The following IL17C variants were observed in gnomAD, a reference collection of about 807,000 sequenced individuals.
IL17C encodes interleukin 17C.
IL17C carries 13 observed loss-of-function variants against 11.0 expected under a neutral mutation model. The ratio of observed to expected loss-of-function variants is 1.18; its 90% CI spans 0.77 to 1.88. IL17C has a LOEUF of 1.88. IL17C is among the 40% of genes most tolerant of loss of function. The probability of loss-of-function intolerance (pLI) is 0.00; values close to 1 mark genes in which losing one functional copy is unlikely to be tolerated. For synonymous variants in IL17C, 150 were observed against 125.8 expected, an observed-to-expected ratio of 1.19 and a Z score of -1.29; for missense variants, 357 against 278.2, an observed-to-expected ratio of 1.28 and a Z score of -2.01.
chr16:88,639,721 T>C lies in IL17C; in HGVS notation c.336-93T>C, dbSNP rs2142864716. ...GCTCAGCCCTCGCTGCCTCAGGTCC[T>C]ATCCTGAGTACACGGAGAGGGGCCC... On this transcript the variant is annotated intron_variant, in intron 2 of 2. Coordinates refer to ENST00000244241, the MANE Select transcript of IL17C (RefSeq NM_013278.4). This position sits in a 1 kb window ranked among gnomAD's most constrained non-coding sequence, Gnocchi z 5.1. The C allele has an allele frequency of 7.2e-7, 1 of 1,392,348 alleles. No homozygotes were observed. Among genetic ancestry groups the C allele is most frequent in the Non-Finnish European group, 9.5e-7 (1 of 1,056,204 alleles). The allele number at this position is 1,392,348 out of a possible 1,614,324, so 86.2% of individuals were successfully genotyped here. A position where few individuals can be genotyped will look rare whatever the true frequency, so the allele number is the denominator to read the frequency against.
At position 88,639,823 on chromosome 16, in the gene IL17C, G is replaced by T; in HGVS notation, c.345G>T (p.Thr115=). 1 of 1,565,328 alleles carries T rather than the reference G, an allele frequency of 6.4e-7. No homozygotes were observed. The highest frequency in any genetic ancestry group is 8.7e-7 in the Non-Finnish European group (1 of 1,155,256). The part of the protein sequence containing the change: ...SISPWRYRVD[T]DEDRYPQKLA... Reference sequence around the variant, plus strand: ...GCACCCCGTCCCGCAGTGTGGACACGGATGAGGACCGCTATCCACAGAAGC... The same window carrying T: ...GCACCCCGTCCCGCAGTGTGGACACTGATGAGGACCGCTATCCACAGAAGC... The change falls in exon 3 of 3, where the codon ACG becomes ACT. Residue 115 remains threonine, a synonymous_variant. Transcript: ENST00000244241. The surrounding 1 kb of genome is among the most constrained non-coding windows in gnomAD (Gnocchi z 5.1).
rs201087052 is a variant in IL17C at position 88,638,989 on chromosome 16, C to T, written c.15C>T (p.Pro5=). The part of the protein sequence containing the change: MTLL[P]GLLFLTWLHT... ...CCTGCCTGTTTCACCAGCTCCTCCC[C>T]GGCCTCCTGTTTCTGACCTGGCTGC... The change falls in exon 2 of 3, where the codon CCC becomes CCT. Residue 5 remains proline, a synonymous_variant. Transcript: ENST00000244241. 76 of 1,567,008 alleles carry T rather than the reference C, an allele frequency of 4.9e-5. No individual in the cohort carries two copies. Among genetic ancestry groups the T allele is most frequent in the Middle Eastern group, 1.7e-4 (1 of 5,878 alleles).
intron 1 of IL17C, 96 bp from the exon 2 acceptor site, chr16:88,638,885 C>G: frequency 7.8e-7 from 1 of 1,275,200 alleles, no homozygotes; most frequent in East Asian, 2.3e-5. Context: ...GAGGGCTGTA[C>G]TCCATCTTTC....
In IL17C at chr16:88,640,258, A is replaced by T. The variant is rs1907023904; in HGVS notation, c.*186A>T. 4 of 619,744 alleles carry T rather than the reference A, an allele frequency of 6.5e-6. No homozygotes were observed. Among genetic ancestry groups the T allele is most frequent in the Non-Finnish European group, 2.6e-6 (1 of 379,820 alleles). 38.4% of individuals were successfully genotyped at this position (619,744 alleles called of 1,614,324 possible). ...CTCCAGCCTCAGTAGTTGGGGGTAGAAGGAGCTCAGCACCTCTTCCAGCCC... is the reference window on the plus strand; with the variant it reads ...CTCCAGCCTCAGTAGTTGGGGGTAGTAGGAGCTCAGCACCTCTTCCAGCCC... On this transcript the variant is annotated 3_prime_UTR_variant, in exon 3 of 3. Coordinates refer to ENST00000244241, the MANE Select transcript of IL17C (RefSeq NM_013278.4).
Position 88,638,985 on chromosome 16 carries a change from TC to T in IL17C, c.15del (p.Gly6AlafsTer5). 2 of 1,564,012 alleles carry T rather than the reference TC, an allele frequency of 1.3e-6. No homozygotes were observed. Among genetic ancestry groups the T allele is most frequent in the African/African-American group, 1.3e-5 (1 of 74,096 alleles). On this transcript the variant is annotated frameshift_variant, in exon 2 of 3. Transcript: ENST00000244241. Reference sequence around the variant, plus strand: ...CCCACCTGCCTGTTTCACCAGCTCCTCCCCGGCCTCCTGTTTCTGACCTGGC... The same window carrying T: ...CCCACCTGCCTGTTTCACCAGCTCCTCCCGGCCTCCTGTTTCTGACCTGGC... MTL[L>X]PGLLFLTWLH...
Position 88,639,615 on chromosome 16 carries a change from C to T in IL17C, c.336-199C>T, listed in dbSNP as rs1245164426. On this transcript the variant is annotated intron_variant, in intron 2 of 2. Transcript: ENST00000244241. The surrounding 1 kb of genome is among the most constrained non-coding windows in gnomAD (Gnocchi z 5.1). ...GGGAGGCTCCTAGAGGCCTCCGGAC[C>T]CTGCTCTGTGCTCTTGGAGGGCCCT... is the stretch of plus-strand genomic sequence containing the variant. Among the ~76,000 whole-genome samples, 2 of 152,180 alleles carry T rather than the reference C, an allele frequency of 1.3e-5. No individual in the cohort carries two copies. Among genetic ancestry groups the T allele is most frequent in the Non-Finnish European group, 2.9e-5 (2 of 68,012 alleles).
chr16:88,639,027 C>A lies in IL17C; in HGVS notation c.53C>A (p.Ala18Asp). The A allele has an allele frequency of 6.2e-7, 1 of 1,603,034 alleles. No homozygotes were observed. The highest frequency in any genetic ancestry group is 8.5e-7 in the Non-Finnish European group (1 of 1,173,774). Residue 18 changes from alanine to aspartate, a missense_variant, in exon 2 of 3, where the codon GCC becomes GAC. Transcript: ENST00000244241. The surrounding 1 kb of genome is among the most constrained non-coding windows in gnomAD (Gnocchi z 5.1). ...LFLTWLHTCLAHHDPSLRGHP... is the reference protein window; with the variant it reads ...LFLTWLHTCLDHHDPSLRGHP... ...CTGACCTGGCTGCACACATGCCTGG[C>A]CCACCATGACCCCTCCCTCAGGGGG... is the stretch of plus-strand genomic sequence containing the variant.
rs1329250708 is a variant in IL17C at position 88,640,022 on chromosome 16, T to C, written c.544T>C (p.Phe182Leu). The C allele has an allele frequency of 1.9e-6, 3 of 1,599,112 alleles. No homozygotes were observed. Among genetic ancestry groups the C allele is most frequent in the Non-Finnish European group, 2.6e-6 (3 of 1,170,808 alleles). ...TPGAFAFHTE[F>L]IHVPVGCTCV... ...TGGGGCCTTTGCCTTCCACACCGAG[T>C]TCATCCACGTCCCCGTCGGCTGCAC... Residue 182 changes from phenylalanine to leucine, a missense_variant, in exon 3 of 3, where the codon TTC becomes CTC. Coordinates refer to ENST00000244241, the MANE Select transcript of IL17C (RefSeq NM_013278.4).
In IL17C at chr16:88,640,212, G is replaced by GTGGGGGGCTGT; in HGVS notation, c.*140_*141insTGGGGGGCTGT. ...GGGCATTCCCCGTGTCTGGAGGACA[G>GTGGGGGGCTGT]CCCCCCACTGTTCTCCTCATCTCCA... On this transcript the variant is annotated 3_prime_UTR_variant, in exon 3 of 3. Coordinates refer to ENST00000244241, the MANE Select transcript of IL17C (RefSeq NM_013278.4). 1.1e-6 allele frequency: 1 copy of GTGGGGGGCTGT among 931,762 alleles called. No homozygotes were observed. Among genetic ancestry groups the GTGGGGGGCTGT allele is most frequent in the Non-Finnish European group, 1.6e-6 (1 of 643,800 alleles). The allele number at this position is 931,762 out of a possible 1,614,324, so 57.7% of individuals were successfully genotyped here. A position where few individuals can be genotyped will look rare whatever the true frequency, so the allele number is the denominator to read the frequency against.
chr16:88,639,402 T>A lies in IL17C; in HGVS notation c.335+93T>A. 1 of 1,259,440 alleles carries A rather than the reference T, an allele frequency of 7.9e-7. No individual in the cohort carries two copies. The highest frequency in any genetic ancestry group is 1.1e-6 in the Non-Finnish European group (1 of 936,254). 78.0% of individuals were successfully genotyped at this position (1,259,440 alleles called of 1,614,324 possible). ...AGAGCTCTCTGGGCCTTGGTGGTTC[T>A]CACCTGTCAAGTGGGCGTGGCCACC... On this transcript the variant is annotated intron_variant, in intron 2 of 2. Coordinates refer to ENST00000244241, the MANE Select transcript of IL17C (RefSeq NM_013278.4). The surrounding 1 kb of genome is among the most constrained non-coding windows in gnomAD (Gnocchi z 5.1).
rs114362226 is a variant in IL17C at position 88,640,341 on chromosome 16, C to T, written c.*269C>T. 1.1e-3 allele frequency: 483 copies of T among 434,922 alleles called. 4 individuals are homozygous for T. Among genetic ancestry groups the T allele is most frequent in the African/African-American group, 6.9e-3 (344 of 49,772 alleles). 26.9% of individuals were successfully genotyped at this position (434,922 alleles called of 1,614,324 possible). ...CTGTACCTTGGCTCCCTGTCCTGCTCCCGGCTTCCCTTACCCTATCACTGG... is the reference window on the plus strand; with the variant it reads ...CTGTACCTTGGCTCCCTGTCCTGCTTCCGGCTTCCCTTACCCTATCACTGG... On this transcript the variant is annotated 3_prime_UTR_variant, in exon 3 of 3. Transcript: ENST00000244241.
Position 88,639,947 on chromosome 16 carries a change from G to T in IL17C, c.469G>T (p.Val157Leu). ...CGTGCGGCTGCTCCAGAGCCTGCTGGTGCTGCGCCGCCGGCCCTGCTCCCG... is the reference window on the plus strand; with the variant it reads ...CGTGCGGCTGCTCCAGAGCCTGCTGTTGCTGCGCCGCCGGCCCTGCTCCCG... ...NSVRLLQSLL[V>L]LRRRPCSRDG... The change falls in exon 3 of 3, where the codon GTG (valine) becomes TTG (leucine). Residue 157 changes from valine to leucine, a missense_variant. Physicochemically the swap from Val to Leu is conservative, Grantham distance 32. Transcript: ENST00000244241. This position sits in a 1 kb window ranked among gnomAD's most constrained non-coding sequence, Gnocchi z 5.1. The T allele has an allele frequency of 6.2e-7, 1 of 1,610,172 alleles. No individual in the cohort carries two copies. Among genetic ancestry groups the T allele is most frequent in the Non-Finnish European group, 8.5e-7 (1 of 1,178,986 alleles).
At position 88,640,201 on chromosome 16, in the gene IL17C, T is replaced by TC. The variant is rs1907021680; in HGVS notation, c.*130dup. 9.3e-7 allele frequency: 1 copy of TC among 1,071,960 alleles called. No individual in the cohort carries two copies. 66.4% of individuals were successfully genotyped at this position (1,071,960 alleles called of 1,614,324 possible). A position where few individuals can be genotyped will look rare whatever the true frequency, so the allele number is the denominator to read the frequency against. The stretch of plus-strand genomic sequence containing the variant: ...CCTTGGGGTCTGGGCATTCCCCGTG[T>TC]CTGGAGGACAGCCCCCCACTGTTCT... On this transcript the variant is annotated 3_prime_UTR_variant, in exon 3 of 3. Coordinates refer to ENST00000244241, the MANE Select transcript of IL17C (RefSeq NM_013278.4).
In IL17C at chr16:88,639,961, GC is replaced by G. The variant is rs1567606298; in HGVS notation, c.486del (p.Cys163AlafsTer94). 1.4e-5 allele frequency: 23 copies of G among 1,610,056 alleles called. No individual in the cohort carries two copies. Among genetic ancestry groups the G allele is most frequent in the Non-Finnish European group, 1.9e-5 (22 of 1,178,762 alleles). ...AGAGCCTGCTGGTGCTGCGCCGCCG[GC>G]CCTGCTCCCGCGACGGCTCGGGGCT... Reference protein sequence around the residue: ...LQSLLVLRRRPCSRDGSGLPT... With the variant: ...LQSLLVLRRRXCSRDGSGLPT... On this transcript the variant is annotated frameshift_variant, in exon 3 of 3. Transcript: ENST00000244241. The surrounding 1 kb of genome is among the most constrained non-coding windows in gnomAD (Gnocchi z 5.1).
chr16:88,639,342 G>A lies in IL17C; in HGVS notation c.335+33G>A, dbSNP rs1906990139. 1.3e-6 allele frequency: 2 copies of A among 1,513,376 alleles called. No individual in the cohort carries two copies. Among genetic ancestry groups the A allele is most frequent in the South Asian group, 1.3e-5 (1 of 78,600 alleles). The allele number at this position is 1,513,376 out of a possible 1,614,324, so 93.7% of individuals were successfully genotyped here. A position where few individuals can be genotyped will look rare whatever the true frequency, so the allele number is the denominator to read the frequency against. On this transcript the variant is annotated intron_variant, in intron 2 of 2. Coordinates refer to ENST00000244241, the MANE Select transcript of IL17C (RefSeq NM_013278.4). This position sits in a 1 kb window ranked among gnomAD's most constrained non-coding sequence, Gnocchi z 5.1. ...CCTGGGGATTCCGCTGTGGCGTGGG[G>A]CTGCCCCTCCCCTGGCGGGGCCCTG...
At chr16:88,638,837 C>T (rs948681023) in intron 1 of IL17C, 144 bp from the exon 2 acceptor site, 6 of 1,158,188 alleles carry the variant, frequency 5.2e-6, no homozygotes, top group Non-Finnish European at 7.6e-6. Flanking sequence ...GGCTGAAGGG[C>T]TAGCCTCTCT....
In IL17C at chr16:88,638,625, G is replaced by GC; in HGVS notation, c.-13dup. On this transcript the variant is annotated 5_prime_UTR_variant, in exon 1 of 3. Coordinates refer to ENST00000244241, the MANE Select transcript of IL17C (RefSeq NM_013278.4). ...GTGCAGGCCGCTCCAAGCCCAGCCT[G>GC]CCCCGCTGCCGCCACCATGACGGTG... The GC allele has an allele frequency of 2.5e-6, 4 of 1,612,516 alleles. No homozygotes were observed. Among genetic ancestry groups the GC allele is most frequent in the Non-Finnish European group, 3.4e-6 (4 of 1,179,996 alleles).
chr16:88,639,861 A>T lies in IL17C; in HGVS notation c.383A>T (p.Glu128Val). Residue 128 changes from glutamate (E) to valine (V), a missense_variant, in exon 3 of 3, where the codon GAG becomes GTG. Transcript: ENST00000244241. The surrounding 1 kb of genome is among the most constrained non-coding windows in gnomAD (Gnocchi z 5.1). ...DRYPQKLAFAECLCRGCIDAR... is the reference protein window; with the variant it reads ...DRYPQKLAFAVCLCRGCIDAR... ...TATCCACAGAAGCTGGCCTTCGCCGAGTGCCTGTGCAGAGGCTGTATCGAT... is the reference window on the plus strand; with the variant it reads ...TATCCACAGAAGCTGGCCTTCGCCGTGTGCCTGTGCAGAGGCTGTATCGAT... 2 of 1,598,706 alleles carry T rather than the reference A, an allele frequency of 1.3e-6. No homozygotes were observed. The highest frequency in any genetic ancestry group is 1.7e-6 in the Non-Finnish European group (2 of 1,173,738).
chr16:88,640,359 A>C lies in IL17C; in HGVS notation c.*287A>C. ...TCCTGCTCCCGGCTTCCCTTACCCT[A>C]TCACTGGCCTCAGGCCCCCGCAGGC... On this transcript the variant is annotated 3_prime_UTR_variant, in exon 3 of 3. Transcript: ENST00000244241. 7.7e-6 allele frequency: 3 copies of C among 391,748 alleles called. No individual in the cohort carries two copies. The highest frequency in any genetic ancestry group is 3.9e-5 in the East Asian group (1 of 25,394). 24.3% of individuals were successfully genotyped at this position (391,748 alleles called of 1,614,324 possible). A position where few individuals can be genotyped will look rare whatever the true frequency, so the allele number is the denominator to read the frequency against.
Sources: gnomAD v4.1 joint callset for allele counts (sites outside exome capture counted in the v4.1 genomes callset) on GRCh38, gnomAD v4.1.1 for gene constraint, Gnocchi (gnomAD v3.1) non-coding constraint, MANE v1.5 for transcripts, NCBI Gene and HGNC (gene_info 2026-07-23, HGNC 2026-07-21) for gene names.